TLN2: variants seen among roughly 807,000 people sequenced by gnomAD.
TLN2 encodes the protein talin 2.
TLN2 carries 118 observed loss-of-function variants against 294.7 expected under a neutral mutation model. The ratio of observed to expected loss-of-function variants is 0.40; its 90% CI spans 0.34 to 0.47. The LOEUF (loss-of-function observed/expected upper bound fraction) is 0.47. TLN2 is among the 20% of genes least tolerant of loss of function. TLN2 has a pLI of 0.84. For synonymous variants in TLN2, 1,431 were observed against 1,304.5 expected, an observed-to-expected ratio of 1.10 and a Z score of -2.09; for missense variants, 3,083 against 3,282.2, an observed-to-expected ratio of 0.94 and a Z score of 1.48.
intron 1 of TLN2, among the ~76,000 whole-genome samples, chr15:62,399,261 A>C (rs1021395276): frequency 3.4e-5 from 5 of 146,224 alleles, no homozygotes; most frequent in East Asian, 2.0e-4. Context: ...TCAAACAAAA[A>C]AAAAAAAAAA....
intron 1 of TLN2, among the ~76,000 whole-genome samples, chr15:62,540,466 G>A (rs779942674): frequency 1.3e-5 from 2 of 151,580 alleles, no homozygotes; most frequent in African/African-American, 2.4e-5. Flanking sequence ...TGCAGGTAGA[G>A]AGAGGTGCAG....
chr15:62,537,348 C>T (rs1376839175), intron 1 of TLN2, among the ~76,000 whole-genome samples: 1 of 152,122 alleles, frequency 6.6e-6, no homozygotes, highest in Non-Finnish European at 1.5e-5. Context: ...GTTTTCTAAA[C>T]AGGTGGTGTT....
In TLN2 at chr15:62,546,412, A is replaced by G. The variant is rs76189713; in HGVS notation, c.-237-43275A>G. ...CTTTTTCTCTGATTGAACAGCAACT[A>G]TTTGGATTCAGCCTTTTGCTTGTGC... On this transcript the variant is annotated intron_variant, in intron 1 of 58. Coordinates refer to ENST00000636159, the MANE Select transcript of TLN2 (RefSeq NM_015059.3). 8.9e-4 allele frequency among the ~76,000 whole-genome samples: 136 copies of G among 152,252 alleles called. 1 individual carries two copies. Among genetic ancestry groups the G allele is most frequent in the African/African-American group, 3.0e-3 (126 of 41,556 alleles).
At chr15:62,454,014 G>A (rs529211183) in intron 1 of TLN2, among the ~76,000 whole-genome samples, 3 of 152,284 alleles carry the variant, frequency 2.0e-5, no homozygotes, top group African/African-American at 4.8e-5. Flanking sequence ...CCACCTGTGC[G>A]GGAGTGTGAG....
Position 62,801,327 on chromosome 15 carries a change from A to T in TLN2, c.6477+558A>T, listed in dbSNP as rs770445073. The stretch of plus-strand genomic sequence containing the variant: ...GTTCCAGCATTGCAGAGTTGAGGAC[A>T]TTCTGGAGTTACTGCAATGTGGATG... On this transcript the variant is annotated intron_variant, in intron 50 of 58. Coordinates refer to ENST00000636159, the MANE Select transcript of TLN2 (RefSeq NM_015059.3). 2.6e-4 allele frequency among the ~76,000 whole-genome samples: 40 copies of T among 152,184 alleles called. 1 individual carries two copies. Among genetic ancestry groups the T allele is most frequent in the Admixed American group, 2.0e-3 (30 of 15,274 alleles).
chr15:62,662,274 T>G (rs1409768727), intron 9 of TLN2, among the ~76,000 whole-genome samples: 1 of 152,070 alleles, frequency 6.6e-6, no homozygotes. Flanking sequence ...AATGGATAAT[T>G]AGAAAATTGA....
intron 13 of TLN2, among the ~76,000 whole-genome samples, chr15:62,693,189 G>A (rs1353538348): frequency 1.3e-5 from 2 of 152,070 alleles, no homozygotes; most frequent in African/African-American, 2.4e-5. Context: ...AAAGTTAGCC[G>A]GGCGTGGTGG....
At chr15:62,516,840 A>T (rs2040216508) in intron 1 of TLN2, among the ~76,000 whole-genome samples, 1 of 152,206 alleles carries the variant, frequency 6.6e-6, no homozygotes, top group Non-Finnish European at 1.5e-5. Flanking sequence ...GATTTTAGGT[A>T]GGAGGTGAGG....
At chr15:62,706,587 G>A (rs2059086729) in intron 19 of TLN2, among the ~76,000 whole-genome samples, 1 of 152,194 alleles carries the variant, frequency 6.6e-6, no homozygotes, top group African/African-American at 2.4e-5. Context: ...TAGAGATATG[G>A]CTAAATTTCT....
chr15:62,652,070 G>T lies in TLN2; in HGVS notation c.300G>T (p.Lys100Asn). The change falls in exon 6 of 59, where the codon AAG (lysine) becomes AAT (asparagine). Residue 100 changes from lysine to asparagine, a missense_variant. Coordinates refer to ENST00000636159, the MANE Select transcript of TLN2 (RefSeq NM_015059.3). Reference protein sequence around the residue: ...QKIRMLDGSVKTVMVDDSKTV... With the variant: ...QKIRMLDGSVNTVMVDDSKTV... The stretch of plus-strand genomic sequence containing the variant: ...TCCGGATGCTGGATGGATCTGTGAA[G>T]ACAGTGATGGTGGATGATTCCAAGA... 1 of 1,612,102 alleles carries T rather than the reference G, an allele frequency of 6.2e-7. No homozygotes were observed. The highest frequency in any genetic ancestry group is 1.3e-5 in the African/African-American group (1 of 75,026).
At chr15:62,809,361 G>A (rs2066517858) in intron 51 of TLN2, among the ~76,000 whole-genome samples, 1 of 152,174 alleles carries the variant, frequency 6.6e-6, no homozygotes. Context: ...TATAATATGA[G>A]ATGAGTTATG....
intron 1 of TLN2, among the ~76,000 whole-genome samples, chr15:62,487,100 C>T (rs933616998): frequency 2.0e-5 from 3 of 152,144 alleles, no homozygotes; most frequent in Non-Finnish European, 2.9e-5. Context: ...TAGATTAGGA[C>T]ATGGAAAAGT....
intron 1 of TLN2, among the ~76,000 whole-genome samples, chr15:62,472,617 A>G (rs2037543571): frequency 1.3e-5 from 2 of 152,200 alleles, no homozygotes; most frequent in Non-Finnish European, 2.9e-5. Context: ...TTTGTTTACT[A>G]GTGAGATTTA....
intron 1 of TLN2, among the ~76,000 whole-genome samples, chr15:62,532,217 G>A (rs990778028): frequency 1.4e-4 from 22 of 151,926 alleles, no homozygotes; most frequent in African/African-American, 4.8e-4. Flanking sequence ...GCCTAATGTC[G>A]TGGGTTGTTT....
chr15:62,644,393 G>A (rs762087578), intron 3 of TLN2: 32 of 423,700 alleles, frequency 7.6e-5, no homozygotes, highest in Admixed American at 4.1e-4. Flanking sequence ...CCAGGGCTGA[G>A]TCATTACTGC....
intron 54 of TLN2, among the ~76,000 whole-genome samples, chr15:62,823,142 G>A (rs567056365): frequency 5.9e-5 from 9 of 152,268 alleles, no homozygotes; most frequent in South Asian, 2.1e-4. Context: ...CACTCCCATC[G>A]TATTAGGAAG....
chr15:62,481,419 C>T (rs1274017521), intron 1 of TLN2, among the ~76,000 whole-genome samples: 3 of 152,160 alleles, frequency 2.0e-5, no homozygotes, highest in Non-Finnish European at 4.4e-5. Flanking sequence ...AGACAGGTTT[C>T]AACCCATCAC....
intron 41 of TLN2, among the ~76,000 whole-genome samples, chr15:62,767,565 C>A (rs904170326): frequency 3.9e-5 from 6 of 152,148 alleles, no homozygotes; most frequent in African/African-American, 1.4e-4. Flanking sequence ...TCTCAAACTC[C>A]CAACCTCAGG....
chr15:62,485,292 A>C (rs1024348380), intron 1 of TLN2, among the ~76,000 whole-genome samples: 2 of 152,218 alleles, frequency 1.3e-5, no homozygotes, highest in African/African-American at 4.8e-5. Flanking sequence ...TAGGACATGG[A>C]CCATAGTTCT....
Sources: allele counts gnomAD v4.1 joint callset (sites outside exome capture counted in the v4.1 genomes callset), GRCh38; gene constraint gnomAD v4.1.1; transcripts MANE v1.5; gene names NCBI Gene and HGNC (gene_info 2026-07-23, HGNC 2026-07-21).